RAD51B: variants seen among roughly 807,000 people sequenced by gnomAD.
RAD51B encodes the protein RAD51 paralog B.
A neutral mutation model predicts 42.2 loss-of-function variants in RAD51B; 38 were observed. The observed-to-expected ratio is 0.90, with a 90% confidence interval of 0.70 to 1.18. The LOEUF (loss-of-function observed/expected upper bound fraction) is 1.18, where lower values mean the gene tolerates loss of function less well. Among genes scored for constraint, RAD51B ranks in the 50% most tolerant of loss-of-function variants. The pLI is 0.00. For missense variants in RAD51B, 373 were observed against 400.7 expected (o/e 0.93, Z 0.59); for synonymous variants, 154 against 145.2 (o/e 1.06, Z -0.43).
intron 4 of RAD51B, among the ~76,000 whole-genome samples, chr14:67,856,951 T>C (rs576144276): frequency 6.6e-6 from 1 of 152,280 alleles, no homozygotes; most frequent in Admixed American, 6.5e-5. Context: ...TGTGTAAATA[T>C]TGTATTCAGT....
intron 7 of RAD51B, among the ~76,000 whole-genome samples, chr14:68,186,119 T>TC (rs2079153392): frequency 6.6e-6 from 1 of 152,172 alleles, no homozygotes; most frequent in Admixed American, 6.5e-5. Context: ...GGGAAAGGAC[T>TC]CACTGGTCAA....
At chr14:67,828,600 G>T (rs1008210528) in intron 3 of RAD51B, among the ~76,000 whole-genome samples, 5 of 151,368 alleles carry the variant, frequency 3.3e-5, no homozygotes, top group Admixed American at 2.0e-4. Context: ...TCAAGGTTTT[G>T]TTTTTTTTCC....
chr14:67,867,953 C>T (rs967070695), intron 5 of RAD51B, among the ~76,000 whole-genome samples: 4 of 151,948 alleles, frequency 2.6e-5, no homozygotes, highest in East Asian at 1.9e-4. Flanking sequence ...ATTTAGGGTA[C>T]GTGAGAAAAA....
At chr14:68,388,137 A>G (rs1409595776) in intron 8 of RAD51B, among the ~76,000 whole-genome samples, 2 of 146,928 alleles carry the variant, frequency 1.4e-5, no homozygotes, top group Admixed American at 6.9e-5. Flanking sequence ...TCTGTCACCC[A>G]GGCTGGAGTG....
chr14:68,112,007 T>G (rs1345580758), intron 7 of RAD51B, among the ~76,000 whole-genome samples: 3 of 152,060 alleles, frequency 2.0e-5, no homozygotes, highest in Admixed American at 6.6e-5. Context: ...CTTCTAACTC[T>G]CCTGCAAGAG....
intron 7 of RAD51B, among the ~76,000 whole-genome samples, chr14:68,092,868 C>T (rs1002016719): frequency 1.6e-4 from 25 of 151,750 alleles, no homozygotes; most frequent in African/African-American, 5.6e-4. Context: ...TTTTGAGATA[C>T]GTCCCATCAA....
At chr14:68,404,033 A>T (rs898863312) in intron 8 of RAD51B, among the ~76,000 whole-genome samples, 7 of 152,188 alleles carry the variant, frequency 4.6e-5, no homozygotes, top group African/African-American at 1.7e-4. Context: ...GTGGAGAATG[A>T]ATGTTCCCAC....
At chr14:68,137,644 T>A (rs1295123317) in intron 7 of RAD51B, among the ~76,000 whole-genome samples, 1 of 152,186 alleles carries the variant, frequency 6.6e-6, no homozygotes, top group African/African-American at 2.4e-5. Flanking sequence ...TGAATACTTG[T>A]TCAATTTTAT....
At chr14:68,518,253 G>A (rs1271165225) in intron 10 of RAD51B, among the ~76,000 whole-genome samples, 1 of 152,140 alleles carries the variant, frequency 6.6e-6, no homozygotes, top group African/African-American at 2.4e-5. Flanking sequence ...TTCCATTCTT[G>A]TTCAGCTAGG....
At chr14:68,604,703 G>T (rs1329798441) in intron 10 of RAD51B, among the ~76,000 whole-genome samples, 1 of 152,166 alleles carries the variant, frequency 6.6e-6, no homozygotes, top group Non-Finnish European at 1.5e-5. Context: ...AGAAATCTTA[G>T]TGCCCATGGG....
chr14:68,537,982 CATT>C, intron 10 of RAD51B, among the ~76,000 whole-genome samples: 1 of 152,280 alleles, frequency 6.6e-6, no homozygotes, highest in East Asian at 1.9e-4. Context: ...AAGATGTCTT[CATT>C]TCTGGGTGTT....
At chr14:67,864,002 C>T (rs34019467) in intron 4 of RAD51B, among the ~76,000 whole-genome samples, 7 of 150,666 alleles carry the variant, frequency 4.6e-5, no homozygotes, top group Admixed American at 6.6e-5. Flanking sequence ...CTTACTATGG[C>T]GGAACAGGAG....
At chr14:67,896,070 T>C (rs1044154329) in intron 7 of RAD51B, among the ~76,000 whole-genome samples, 4 of 152,322 alleles carry the variant, frequency 2.6e-5, no homozygotes, top group Non-Finnish European at 2.9e-5. Flanking sequence ...TCAGTTATAT[T>C]ATAAAGCCCC....
chr14:68,391,256 T>G (rs2083751365), intron 8 of RAD51B, among the ~76,000 whole-genome samples: 1 of 151,940 alleles, frequency 6.6e-6, no homozygotes, highest in Non-Finnish European at 1.5e-5. Flanking sequence ...AACCCCTGCT[T>G]TTTAAATTCA....
At chr14:68,285,942 AG>A (rs2081406627) in intron 7 of RAD51B, among the ~76,000 whole-genome samples, 3 of 152,216 alleles carry the variant, frequency 2.0e-5, no homozygotes, top group Admixed American at 2.0e-4. Flanking sequence ...TAGAAGCGGA[AG>A]CCATTGACCT....
intron 4 of RAD51B, among the ~76,000 whole-genome samples, chr14:67,841,441 A>G (rs987887351): frequency 2.0e-5 from 3 of 151,996 alleles, no homozygotes; most frequent in Non-Finnish European, 2.9e-5. Flanking sequence ...CCACTTGTCA[A>G]TTTTTGTTTT....
At chr14:68,110,520 A>C (rs2077443730) in intron 7 of RAD51B, among the ~76,000 whole-genome samples, 1 of 152,012 alleles carries the variant, frequency 6.6e-6, no homozygotes, top group Non-Finnish European at 1.5e-5. Context: ...TGGGTCCCAA[A>C]AGTCTTATTG....
At chr14:68,518,797 C>T (rs1357418888) in intron 10 of RAD51B, among the ~76,000 whole-genome samples, 1 of 152,220 alleles carries the variant, frequency 6.6e-6, no homozygotes, top group South Asian at 2.1e-4. Flanking sequence ...AGCTCCTTCT[C>T]TTCCCCTTCT....
chr14:68,209,426 A>G (rs2079656482), intron 7 of RAD51B, among the ~76,000 whole-genome samples: 1 of 152,204 alleles, frequency 6.6e-6, no homozygotes, highest in Non-Finnish European at 1.5e-5. Context: ...CCAGGGCCTC[A>G]TATTTTCACA....
Sources: gnomAD v4.1 joint callset for allele counts (sites outside exome capture counted in the v4.1 genomes callset) on GRCh38, gnomAD v4.1.1 for gene constraint, MANE v1.5 for transcripts, NCBI Gene and HGNC (gene_info 2026-07-23, HGNC 2026-07-21) for gene names.